PLRG1: variants seen among roughly 807,000 people sequenced by gnomAD.
PLRG1 encodes the protein pleiotropic regulator 1 (PRL1 homolog, Arabidopsis).
PLRG1 carries 28 observed loss-of-function variants against 74.9 expected under a neutral mutation model. The observed-to-expected ratio is 0.37, with a 90% confidence interval of 0.28 to 0.51. The LOEUF is 0.51. PLRG1 is among the 20% of genes least tolerant of loss of function. The pLI is 0.91. For missense variants in PLRG1, 445 were observed against 631.9 expected, an observed-to-expected ratio of 0.70 and a Z score of 3.17; for synonymous variants, 197 against 212.4, an observed-to-expected ratio of 0.93 and a Z score of 0.63.
chr4:154,540,911 T>C lies in PLRG1; in HGVS notation c.711A>G (p.Lys237=), dbSNP rs751347024. 15 of 1,608,382 alleles carry C rather than the reference T, an allele frequency of 9.3e-6. No homozygotes were observed. Among genetic ancestry groups the C allele is most frequent in the Non-Finnish European group, 1.2e-5 (14 of 1,177,752 alleles). The part of the protein sequence containing the change: ...TIKIWDLASG[K]LKLSLTGHIS... ...TATGCCCAGTCAATGACAGTTTTAA[T>C]TTGCCACTAGCCAAGTCCCAGATCT... Residue 237 remains lysine (K), a synonymous_variant, in exon 9 of 15, where the codon AAA becomes AAG. Transcript: ENST00000499023.
At chr4:154,544,896 A>G (rs1256469600) in intron 6 of PLRG1, among the ~76,000 whole-genome samples, 1 of 152,218 alleles carries the variant, frequency 6.6e-6, no homozygotes, top group African/African-American at 2.4e-5. Context: ...TAAGTAGTAA[A>G]TGCTCCATGT....
At chr4:154,547,994 A>G in intron 2 of PLRG1, 141 bp from the exon 3 acceptor site, 2 of 593,294 alleles carry the variant, frequency 3.4e-6, no homozygotes, top group Non-Finnish European at 5.7e-6. Context: ...TTCCAAGGGC[A>G]TTTCCCCACC....
intron 1 of PLRG1, 51 bp from the exon 2 acceptor site, chr4:154,548,986 T>C: frequency 9.6e-7 from 1 of 1,040,218 alleles, no homozygotes; most frequent in Non-Finnish European, 1.5e-6. Flanking sequence ...ACACAAATCA[T>C]AACCTAAAGT....
intron 7 of PLRG1, 31 bp downstream of exon 7, chr4:154,544,414 C>G: frequency 8.7e-7 from 1 of 1,155,362 alleles, no homozygotes; most frequent in Non-Finnish European, 1.3e-6. Context: ...AATCATGGTT[C>G]ACATAATAAA....
chr4:154,544,616 A>G lies in PLRG1; in HGVS notation c.493-70T>C, dbSNP rs984515284. On this transcript the variant is annotated intron_variant, in intron 6 of 14. Coordinates refer to ENST00000499023, the MANE Select transcript of PLRG1 (RefSeq NM_002669.4). Reference sequence around the variant, plus strand: ...AAGGCTTCATGATATCAATTCAGAAATGGAAATGGAAAGAGGGAACTTACA... The same window carrying G: ...AAGGCTTCATGATATCAATTCAGAAGTGGAAATGGAAAGAGGGAACTTACA... The G allele has an allele frequency of 3.4e-5, 27 of 801,862 alleles. No individual in the cohort carries two copies. In the African/African-American group the frequency reaches 4.0e-4, roughly 12 times the overall value. The allele number at this position is 801,862 out of a possible 1,614,324, so 49.7% of individuals were successfully genotyped here.
intron 4 of PLRG1, chr4:154,546,447 G>C (rs1051724653): frequency 4.2e-6 from 2 of 475,038 alleles, no homozygotes; most frequent in African/African-American, 2.0e-5. Flanking sequence ...TATTAAAGCA[G>C]CCCAGAATAG....
chr4:154,540,290 A>G (rs1729532073), intron 10 of PLRG1: 3 of 583,216 alleles, frequency 5.1e-6, no homozygotes, highest in Non-Finnish European at 9.1e-6. Flanking sequence ...AAGAATGAGT[A>G]TGATGGGACT....
At chr4:154,543,084 T>C (rs528414345) in intron 7 of PLRG1, among the ~76,000 whole-genome samples, 6 of 152,330 alleles carry the variant, frequency 3.9e-5, no homozygotes, top group Admixed American at 3.3e-4. Flanking sequence ...AAAATTGGAA[T>C]GTTCCTAATA....
chr4:154,549,895 G>T (rs1278756792), intron 1 of PLRG1: 2 of 408,086 alleles, frequency 4.9e-6, no homozygotes, highest in Non-Finnish European at 9.5e-6. Context: ...AAGTTTTTCT[G>T]GGGGTAGAGG....
chr4:154,540,489 G>T, intron 10 of PLRG1, 105 bp downstream of exon 10: 2 of 774,590 alleles, frequency 2.6e-6, no homozygotes, highest in Non-Finnish European at 2.2e-6. Context: ...ACTCAAGACA[G>T]CTATCTTTAA....
At position 154,536,321 on chromosome 4, in the gene PLRG1, TA is replaced by T. The variant is rs201658982; in HGVS notation, c.*363del. The T allele has an allele frequency of 8.9e-4, 148 of 167,062 alleles. No homozygotes were observed. The highest frequency in any genetic ancestry group is 3.1e-3 in the African/African-American group (129 of 41,662). 10.3% of individuals were successfully genotyped at this position (167,062 alleles called of 1,614,324 possible). ...TCACAGATGTTATTTTTTAAAGGAC[TA>T]AAAAAAAACTACTGCTCCTTCAAAT... On this transcript the variant is annotated 3_prime_UTR_variant, in exon 15 of 15. Transcript: ENST00000499023.
At position 154,548,966 on chromosome 4, in the gene PLRG1, T is replaced by C. The variant is rs1395752943; in HGVS notation, c.10-31A>G. The C allele has an allele frequency of 2.5e-6, 3 of 1,182,972 alleles. No homozygotes were observed. The East Asian group carries it at 7.0e-5, about 28-fold the overall frequency. The allele number at this position is 1,182,972 out of a possible 1,614,324, so 73.3% of individuals were successfully genotyped here. A position where few individuals can be genotyped will look rare whatever the true frequency, so the allele number is the denominator to read the frequency against. Reference sequence around the variant, plus strand: ...AAAAAAGAATGTAATTACACACCTATCTACAAATTACACAAATCATAACCT... The same window carrying C: ...AAAAAAGAATGTAATTACACACCTACCTACAAATTACACAAATCATAACCT... On this transcript the variant is annotated intron_variant, in intron 1 of 14. Coordinates refer to ENST00000499023, the MANE Select transcript of PLRG1 (RefSeq NM_002669.4).
Position 154,536,318 on chromosome 4 carries a change from G to T in PLRG1, c.*367C>A. 6.0e-6 allele frequency: 1 copy of T among 165,802 alleles called. No homozygotes were observed. The highest frequency in any genetic ancestry group is 1.3e-5 in the Non-Finnish European group (1 of 78,014). 10.3% of individuals were successfully genotyped at this position (165,802 alleles called of 1,614,324 possible). A position where few individuals can be genotyped will look rare whatever the true frequency, so the allele number is the denominator to read the frequency against. On this transcript the variant is annotated 3_prime_UTR_variant, in exon 15 of 15. Transcript: ENST00000499023. ...TAGTCACAGATGTTATTTTTTAAAGGACTAAAAAAAAACTACTGCTCCTTC... is the reference window on the plus strand; with the variant it reads ...TAGTCACAGATGTTATTTTTTAAAGTACTAAAAAAAAACTACTGCTCCTTC...
At chr4:154,549,630 A>C (rs1729722583) in intron 1 of PLRG1, 1 of 455,478 alleles carries the variant, frequency 2.2e-6, no homozygotes, top group African/African-American at 2.0e-5. Flanking sequence ...GGGTCAGTAA[A>C]GGGTTTTAAA....
At chr4:154,539,895 T>C (rs1237356059) in intron 11 of PLRG1, 56 bp downstream of exon 11, 4 of 855,314 alleles carry the variant, frequency 4.7e-6, no homozygotes, top group African/African-American at 1.7e-5. Context: ...AGTATATGTA[T>C]AATAACATGG....
chr4:154,544,572 T>G (rs761503423), intron 6 of PLRG1, 26 bp from the exon 7 acceptor site: 2 of 1,268,910 alleles, frequency 1.6e-6, no homozygotes, highest in South Asian at 2.4e-5. Flanking sequence ...ACATTATTAT[T>G]ATTAAAGACA....
intron 11 of PLRG1, 113 bp downstream of exon 11, chr4:154,539,838 A>G (rs1309460281): frequency 5.7e-6 from 4 of 702,016 alleles, no homozygotes; most frequent in Non-Finnish European, 1.0e-5. Context: ...TATGACACAG[A>G]AACACTGTAA....
In PLRG1 at chr4:154,537,300, C is replaced by T. The variant is rs1268667290; in HGVS notation, c.1471G>A (p.Glu491Lys). ...ACAGAACTTACGGCTGTGTCATCCT[C>T]TCTGTATACTTTAATGGTTTTATCA... Reference protein sequence around the residue: ...EADKTIKVYREDDTATEETHP... With the variant: ...EADKTIKVYRKDDTATEETHP... Residue 491 changes from glutamate to lysine, a missense_variant, in exon 14 of 15, where the codon GAG becomes AAG. By Grantham distance (56) the Glu-to-Lys change is moderately conservative. Coordinates refer to ENST00000499023, the MANE Select transcript of PLRG1 (RefSeq NM_002669.4). 6.2e-7 allele frequency: 1 copy of T among 1,611,510 alleles called. No individual in the cohort carries two copies. The highest frequency in any genetic ancestry group is 1.7e-5 in the Admixed American group (1 of 59,834).
At chr4:154,547,193 C>A (rs941582077) in intron 3 of PLRG1, 129 bp from the exon 4 acceptor site, 10 of 739,072 alleles carry the variant, frequency 1.4e-5, no homozygotes, top group Non-Finnish European at 2.4e-5. Flanking sequence ...AAAGTCAAGC[C>A]TCAGAAATAA....
Sources: gnomAD v4.1 joint callset for allele counts (sites outside exome capture counted in the v4.1 genomes callset) on GRCh38, gnomAD v4.1.1 for gene constraint, MANE v1.5 for transcripts, NCBI Gene and HGNC (gene_info 2026-07-23, HGNC 2026-07-21) for gene names.